COL19A1: variants seen among roughly 807,000 people sequenced by gnomAD.
COL19A1 encodes the protein collagen type XIX alpha 1 chain.
In COL19A1, 159 loss-of-function variants were observed where a neutral mutation model predicts 190.2. The observed-to-expected ratio is 0.84, with a 90% confidence interval of 0.73 to 0.95. The LOEUF (loss-of-function observed/expected upper bound fraction) is 0.95, where lower values mean the gene tolerates loss of function less well. COL19A1 is among the 40% of genes least tolerant of loss of function. COL19A1 has a pLI of 0.00. For synonymous variants in COL19A1, 509 were observed against 458.9 expected (o/e 1.11, Z -1.39); for missense variants, 1,418 against 1,431.9 (o/e 0.99, Z 0.16).
intron 1 of COL19A1, among the ~76,000 whole-genome samples, chr6:69,872,614 T>C (rs1396165837): frequency 1.3e-5 from 2 of 152,236 alleles, no homozygotes; most frequent in African/African-American, 4.8e-5. Flanking sequence ...TAAAATTCAC[T>C]TACCCAGCTG....
chr6:69,905,961 A>C (rs771053468), intron 4 of COL19A1, among the ~76,000 whole-genome samples: 41 of 152,224 alleles, frequency 2.7e-4, no homozygotes, highest in Non-Finnish European at 4.6e-4. Flanking sequence ...CTAGTTATTT[A>C]AAAGAGATAA....
chr6:69,904,639 G>T (rs1434739325), intron 4 of COL19A1, among the ~76,000 whole-genome samples: 1 of 152,200 alleles, frequency 6.6e-6, no homozygotes, highest in Non-Finnish European at 1.5e-5. Context: ...CCTTTTGACA[G>T]ATCATAGGGT....
At chr6:69,921,270 TATATATC>T (rs1290710111) in intron 4 of COL19A1, among the ~76,000 whole-genome samples, 2,286 of 131,818 alleles carry the variant, frequency 0.017, 68 homozygotes, top group African/African-American at 0.053. Context: ...TCATATATCA[TATATATC>T]ATATATCATA....
intron 14 of COL19A1, among the ~76,000 whole-genome samples, chr6:70,053,579 A>T (rs1386484723): frequency 6.6e-6 from 1 of 152,216 alleles, no homozygotes; most frequent in East Asian, 1.9e-4. Flanking sequence ...AAAATTAGGT[A>T]GTTCGACCGA....
intron 1 of COL19A1, among the ~76,000 whole-genome samples, chr6:69,867,153 T>A (rs906391170): frequency 1.3e-5 from 2 of 150,822 alleles, no homozygotes; most frequent in Non-Finnish European, 2.9e-5. Context: ...TTAAGCGGCG[T>A]AAGCTAAGAG....
chr6:70,206,679 T>C (rs1562270864), intron 49 of COL19A1, among the ~76,000 whole-genome samples: 1 of 151,618 alleles, frequency 6.6e-6, no homozygotes, highest in African/African-American at 2.4e-5. Context: ...GAACTTTTTA[T>C]AGTAATTGCA....
rs945685400 is a variant in COL19A1, at chr6:70,168,717, A to G, written c.2568+36A>G. ...TCCCATGTTTTGTGTCATTTAGAAT[A>G]TTGGTCTTTGTTAAATTTTGAAAGA... On this transcript the variant is annotated intron_variant, in intron 40 of 50. Coordinates refer to ENST00000620364, the MANE Select transcript of COL19A1 (RefSeq NM_001858.6). 4 of 1,608,892 alleles carry G rather than the reference A, an allele frequency of 2.5e-6. No homozygotes were observed. The African/African-American group carries it at 5.4e-5, about 22-fold the overall frequency.
intron 15 of COL19A1, among the ~76,000 whole-genome samples, chr6:70,094,050 C>A (rs910223100): frequency 1.3e-5 from 2 of 152,128 alleles, no homozygotes; most frequent in Admixed American, 6.5e-5. Flanking sequence ...TGTCAGATCC[C>A]TGAAGTAATG....
At chr6:69,916,526 TC>T (rs1370535456) in intron 4 of COL19A1, among the ~76,000 whole-genome samples, 1 of 152,220 alleles carries the variant, frequency 6.6e-6, no homozygotes, top group Non-Finnish European at 1.5e-5. Context: ...TTGTGATACT[TC>T]CTGATCTATG....
chr6:70,130,296 G>A (rs981337975), intron 18 of COL19A1, 73 bp downstream of exon 18: 30 of 1,305,056 alleles, frequency 2.3e-5, no homozygotes, highest in Non-Finnish European at 3.2e-5. Context: ...CACAATCTTG[G>A]CTCACTATAA....
rs1767960422 is a variant in COL19A1 at position 70,207,409 on chromosome 6, A to G, written c.*135A>G. ...TTTTGGGAGTAAGCCAGGCATTAAA[A>G]GCAACCGTTTGAATCCTATTCCTAT... is the stretch of plus-strand genomic sequence containing the variant. On this transcript the variant is annotated 3_prime_UTR_variant, in exon 51 of 51. Transcript: ENST00000620364. 1.1e-6 allele frequency: 1 copy of G among 895,128 alleles called. No individual in the cohort carries two copies. The highest frequency in any genetic ancestry group is 1.6e-6 in the Non-Finnish European group (1 of 640,084). 55.4% of individuals were successfully genotyped at this position (895,128 alleles called of 1,614,324 possible).
chr6:70,049,998 T>A (rs771678144), intron 14 of COL19A1, among the ~76,000 whole-genome samples: 16 of 152,096 alleles, frequency 1.1e-4, no homozygotes, highest in Non-Finnish European at 2.2e-4. Flanking sequence ...ATTAACTGAT[T>A]TTAACAAACC....
At chr6:69,967,296 A>T (rs1480802649) in intron 11 of COL19A1, among the ~76,000 whole-genome samples, 1 of 152,184 alleles carries the variant, frequency 6.6e-6, no homozygotes, top group Non-Finnish European at 1.5e-5. Flanking sequence ...CATTTGGGAA[A>T]TGAAAGTTTT....
At chr6:70,202,214 TG>T (rs1214224820) in intron 49 of COL19A1, among the ~76,000 whole-genome samples, 1 of 152,118 alleles carries the variant, frequency 6.6e-6, no homozygotes, top group Admixed American at 6.5e-5. Context: ...TCCTGTCTGA[TG>T]GTGGCTCCTC....
chr6:70,097,634 T>G (rs1338971104), intron 15 of COL19A1, among the ~76,000 whole-genome samples: 1 of 152,122 alleles, frequency 6.6e-6, no homozygotes, highest in Non-Finnish European at 1.5e-5. Context: ...TAGGCAGATA[T>G]CTAAATTATT....
chr6:70,171,478 G>T (rs1765497050), intron 40 of COL19A1, among the ~76,000 whole-genome samples: 1 of 152,270 alleles, frequency 6.6e-6, no homozygotes, highest in South Asian at 2.1e-4. Flanking sequence ...TGATCCTGGG[G>T]TCAACTTCTT....
chr6:70,148,356 G>A (rs1227820531), intron 27 of COL19A1, among the ~76,000 whole-genome samples: 1 of 151,622 alleles, frequency 6.6e-6, no homozygotes, highest in Non-Finnish European at 1.5e-5. Context: ...CAGGAACCAG[G>A]GTCAAAAAAC....
intron 9 of COL19A1, among the ~76,000 whole-genome samples, chr6:69,956,156 G>A (rs1774408222): frequency 1.3e-5 from 2 of 151,902 alleles, no homozygotes; most frequent in Admixed American, 1.3e-4. Flanking sequence ...TTTTAAGAGA[G>A]TAGATGTTGT....
chr6:69,968,682 A>G (rs1029878446), intron 11 of COL19A1, among the ~76,000 whole-genome samples: 2 of 152,162 alleles, frequency 1.3e-5, no homozygotes, highest in Non-Finnish European at 2.9e-5. Flanking sequence ...ACTTTTGTCA[A>G]TTTCTCATTC....
Sources: gnomAD v4.1 joint callset for allele counts (sites outside exome capture counted in the v4.1 genomes callset) on GRCh38, gnomAD v4.1.1 for gene constraint, MANE v1.5 for transcripts, NCBI Gene and HGNC (gene_info 2026-07-23, HGNC 2026-07-21) for gene names.